The following WWOX variants were observed in gnomAD, a reference collection of about 807,000 sequenced individuals.
WWOX encodes WW domain containing oxidoreductase, also known as WW domain-containing oxidoreductase.
In WWOX, 69 loss-of-function variants were observed where a neutral mutation model predicts 46.2. The ratio of observed to expected loss-of-function variants is 1.49; its 90% CI spans 1.23 to 1.82. WWOX has a LOEUF of 1.82. Among genes scored for constraint, WWOX ranks in the 40% most tolerant of loss-of-function variants. The pLI is 0.00. For missense variants in WWOX, 919 were observed against 542.6 expected, an observed-to-expected ratio of 1.69 and a Z score of -6.89; for synonymous variants, 359 against 202.6, an observed-to-expected ratio of 1.77 and a Z score of -6.56.
intron 5 of WWOX, among the ~76,000 whole-genome samples, chr16:78,175,032 G>GAT (rs2035292840): frequency 3.1e-5 from 3 of 96,786 alleles, no homozygotes. Flanking sequence ...ATAATAATAA[G>GAT]AATCTGACTA....
intron 8 of WWOX, among the ~76,000 whole-genome samples, chr16:78,655,329 C>A (rs548108734): frequency 1.3e-5 from 2 of 152,252 alleles, no homozygotes; most frequent in East Asian, 3.9e-4. Flanking sequence ...CAGTGCCTGT[C>A]CTTTCTGAGA....
chr16:79,205,113 A>G (rs1417564704), intron 8 of WWOX: 1 of 152,226 alleles, frequency 6.6e-6, no homozygotes, highest in Non-Finnish European at 1.5e-5. Flanking sequence ...CTCTCTGAAC[A>G]GAAGCCTGTG....
At chr16:78,635,192 G>T (rs769616033) in intron 8 of WWOX, among the ~76,000 whole-genome samples, 1 of 152,168 alleles carries the variant, frequency 6.6e-6, no homozygotes, top group African/African-American at 2.4e-5. Context: ...CCTGACTCAG[G>T]ATTTGCTGGG....
chr16:79,186,054 T>C (rs955151461), intron 8 of WWOX, among the ~76,000 whole-genome samples: 3 of 152,090 alleles, frequency 2.0e-5, no homozygotes, highest in African/African-American at 7.2e-5. Context: ...TCACATGGCC[T>C]GTATTGTCAA....
In WWOX at chr16:78,406,327, TATATATATATATATATATATATATATA is replaced by T. The variant is rs1567553375; in HGVS notation, c.606-18542_606-18516del. On this transcript the variant is annotated intron_variant, in intron 6 of 8. Coordinates refer to ENST00000566780, the MANE Select transcript of WWOX (RefSeq NM_016373.4). ...AAATATATATATATATATATATATA[TATATATATATATATATATATATATATA>T]TTTTATTATTTTTTTTTGAGACGGA... 3.3e-4 allele frequency among the ~76,000 whole-genome samples: 28 copies of T among 86,136 alleles called. No homozygotes were observed. In the African/African-American group the frequency reaches 3.7e-3, roughly 11 times the overall value. 56.5% of individuals were successfully genotyped at this position (86,136 alleles called of 152,430 possible). A position where few individuals can be genotyped will look rare whatever the true frequency, so the allele number is the denominator to read the frequency against.
At chr16:78,345,113 T>A (rs72794042) in intron 5 of WWOX, among the ~76,000 whole-genome samples, 13,669 of 117,902 alleles carry the variant, frequency 0.12, 4,126 homozygotes, top group East Asian at 0.22. Flanking sequence ...TGACTATGGC[T>A]ATTGGTGGTA....
intron 8 of WWOX, among the ~76,000 whole-genome samples, chr16:79,037,641 C>G (rs567787004): frequency 2.0e-5 from 3 of 152,176 alleles, no homozygotes; most frequent in East Asian, 3.9e-4. Flanking sequence ...GCCACACCCT[C>G]CCAACCTCCT....
intron 5 of WWOX, among the ~76,000 whole-genome samples, chr16:78,375,942 C>G (rs62035784): frequency 0.098 from 14,755 of 150,778 alleles, 844 homozygotes; most frequent in African/African-American, 0.15. Context: ...ACTCCGCATC[C>G]TGGTTTCAAG....
intron 8 of WWOX, among the ~76,000 whole-genome samples, chr16:78,984,158 A>G (rs778503982): frequency 7.2e-5 from 11 of 152,044 alleles, no homozygotes; most frequent in African/African-American, 2.2e-4. Context: ...CATTACAGGC[A>G]TGAGCCATCG....
intron 8 of WWOX, among the ~76,000 whole-genome samples, chr16:78,974,674 A>G (rs187462656): frequency 6.6e-6 from 1 of 152,312 alleles, no homozygotes; most frequent in Non-Finnish European, 1.5e-5. Flanking sequence ...AGGAGGACAG[A>G]TTATTCTGTG....
chr16:78,685,693 A>T (rs1259296076), intron 8 of WWOX, among the ~76,000 whole-genome samples: 1 of 152,146 alleles, frequency 6.6e-6, no homozygotes, highest in Admixed American at 6.5e-5. Flanking sequence ...TTAGCACAGA[A>T]CTCCTGTCCT....
chr16:78,634,155 T>C (rs2046508239), intron 8 of WWOX, among the ~76,000 whole-genome samples: 1 of 152,134 alleles, frequency 6.6e-6, no homozygotes, highest in African/African-American at 2.4e-5. Flanking sequence ...GGAATAAAAA[T>C]TTTTAGCATT....
intron 8 of WWOX, among the ~76,000 whole-genome samples, chr16:78,983,049 T>C (rs1463862904): frequency 1.3e-5 from 2 of 152,176 alleles, no homozygotes; most frequent in African/African-American, 4.8e-5. Context: ...TTATTGTGGG[T>C]CTCCTGTAGT....
intron 8 of WWOX, among the ~76,000 whole-genome samples, chr16:78,760,159 C>T (rs1438774767): frequency 6.6e-6 from 1 of 152,150 alleles, no homozygotes; most frequent in Non-Finnish European, 1.5e-5. Flanking sequence ...GCAAAAGGCA[C>T]ATCTCACACG....
chr16:78,456,621 T>A (rs532048373), intron 8 of WWOX, among the ~76,000 whole-genome samples: 1 of 152,330 alleles, frequency 6.6e-6, no homozygotes, highest in East Asian at 1.9e-4. Flanking sequence ...TATAAAAAAA[T>A]TTAAAAATTC....
chr16:78,248,730 C>T (rs1479168376), intron 5 of WWOX, among the ~76,000 whole-genome samples: 1 of 151,664 alleles, frequency 6.6e-6, no homozygotes, highest in Non-Finnish European at 1.5e-5. Context: ...AGCGAGACCC[C>T]ATTTCAAAAA....
intron 8 of WWOX, among the ~76,000 whole-genome samples, chr16:78,947,608 A>T: frequency 6.6e-6 from 1 of 152,190 alleles, no homozygotes. Flanking sequence ...GTGTCTGTCC[A>T]CGCCACACTG....
chr16:79,075,019 C>G (rs1250411838), intron 8 of WWOX, among the ~76,000 whole-genome samples: 2 of 152,152 alleles, frequency 1.3e-5, no homozygotes, highest in Non-Finnish European at 2.9e-5. Context: ...CTCAGTGACC[C>G]CAAAGACCCC....
chr16:79,169,243 A>G (rs1478599153), intron 8 of WWOX, among the ~76,000 whole-genome samples: 1 of 149,182 alleles, frequency 6.7e-6, no homozygotes, highest in African/African-American at 2.4e-5. Context: ...TTCTGACTCT[A>G]GACAGTAGTT....
Sources: gnomAD v4.1 joint callset for allele counts (sites outside exome capture counted in the v4.1 genomes callset) on GRCh38, gnomAD v4.1.1 for gene constraint, MANE v1.5 for transcripts, NCBI Gene and HGNC (gene_info 2026-07-23, HGNC 2026-07-21) for gene names.